DHRS12: variants seen among roughly 807,000 people sequenced by gnomAD.
DHRS12 encodes the protein dehydrogenase/reductase SDR family member 12.
In DHRS12, 29 loss-of-function variants were observed where a neutral mutation model predicts 32.1. That is an observed-to-expected ratio of 0.90 (90% CI 0.67 to 1.23). The LOEUF (loss-of-function observed/expected upper bound fraction) is 1.23, where lower values mean the gene tolerates loss of function less well. Ranked by LOEUF, DHRS12 falls within the 50% of genes most tolerant of loss-of-function variation. DHRS12 has a pLI of 0.00. For missense variants in DHRS12, 330 were observed against 337.2 expected, an observed-to-expected ratio of 0.98 and a Z score of 0.17; for synonymous variants, 150 against 135.9, an observed-to-expected ratio of 1.10 and a Z score of -0.72.
At chr13:51,773,574 C>T (rs1390141230) in intron 6 of DHRS12, among the ~76,000 whole-genome samples, 3 of 152,146 alleles carry the variant, frequency 2.0e-5, no homozygotes, top group Admixed American at 6.5e-5. Context: ...AGTGAGCCTC[C>T]GGGAAGCCAA....
chr13:51,784,085 G>A (rs577849121), intron 4 of DHRS12, among the ~76,000 whole-genome samples: 50 of 152,344 alleles, frequency 3.3e-4, no homozygotes, highest in African/African-American at 1.2e-3. Context: ...GGCGTGGGGA[G>A]GTTGAGGACA....
intron 4 of DHRS12, among the ~76,000 whole-genome samples, chr13:51,786,880 A>G (rs1279390772): frequency 2.0e-5 from 3 of 152,302 alleles, no homozygotes; most frequent in East Asian, 3.9e-4. Flanking sequence ...CCTATCCCAC[A>G]TTACATAATC....
downstream of DHRS12, chr13:51,765,657 T>A (rs1454948125): frequency 4.6e-5 from 7 of 152,240 alleles, no homozygotes; most frequent in African/African-American, 1.4e-4. Flanking sequence ...GGAGAGCCTA[T>A]CACCACATGC....
intron 4 of DHRS12, among the ~76,000 whole-genome samples, chr13:51,780,301 A>G (rs1480620126): frequency 2.0e-5 from 3 of 152,166 alleles, no homozygotes; most frequent in Non-Finnish European, 4.4e-5. Context: ...CAGGTCAACA[A>G]CTTCCTTTCC....
At chr13:51,788,515 C>T (rs926290066) in intron 4 of DHRS12, among the ~76,000 whole-genome samples, 5 of 151,956 alleles carry the variant, frequency 3.3e-5, no homozygotes, top group Admixed American at 1.3e-4. Flanking sequence ...TCCCTTGGAC[C>T]TTCTTCCATC....
At chr13:51,761,989 C>T in the DHRS12 span, 8 of 152,194 alleles carry the variant, frequency 5.3e-5, no homozygotes, top group Non-Finnish European at 8.8e-5. Context: ...CATGATTGCT[C>T]TTTGAGAGAA....
chr13:51,774,202 T>G (rs1289070898), intron 5 of DHRS12, 168 bp from the exon 6 acceptor site: 3 of 602,342 alleles, frequency 5.0e-6, no homozygotes, highest in Non-Finnish European at 8.9e-6. Flanking sequence ...ACATGTATTC[T>G]CCTACATGTA....
chr13:51,786,183 G>C (rs1954946245), intron 4 of DHRS12, among the ~76,000 whole-genome samples: 1 of 152,250 alleles, frequency 6.6e-6, no homozygotes, highest in Non-Finnish European at 1.5e-5. Flanking sequence ...TCCTGCCAAA[G>C]AGCTAAGGCA....
intron 6 of DHRS12, chr13:51,772,859 T>C (rs1954095031): frequency 2.0e-6 from 2 of 985,430 alleles, no homozygotes; most frequent in Non-Finnish European, 1.2e-6. Context: ...AGTCATGAGA[T>C]GTAATTCACC....
intron 2 of DHRS12, among the ~76,000 whole-genome samples, chr13:51,799,131 TC>T (rs1199584874): frequency 1.3e-5 from 2 of 152,106 alleles, no homozygotes; most frequent in Non-Finnish European, 2.9e-5. Context: ...ACTTTGAGGC[TC>T]CCCCTCCCCT....
chr13:51,774,501 TCTC>T (rs201967376), intron 5 of DHRS12: 1 of 55,212 alleles, frequency 1.8e-5, no homozygotes, highest in Non-Finnish European at 3.2e-5. Flanking sequence ...CTACATGTAT[TCTC>T]CTACAGTATT....
At chr13:51,756,697 G>C in the DHRS12 span, 2 of 965,420 alleles carry the variant, frequency 2.1e-6, no homozygotes, top group African/African-American at 3.5e-5. Flanking sequence ...CTAATTTCTA[G>C]GTTATGTGCC....
intron 4 of DHRS12, among the ~76,000 whole-genome samples, chr13:51,783,794 C>G (rs1593536030): frequency 6.6e-6 from 1 of 152,188 alleles, no homozygotes; most frequent in East Asian, 1.9e-4. Flanking sequence ...GCTGGTGCAT[C>G]TAAGAGTCAC....
chr13:51,803,316 C>T (rs559443696), intron 1 of DHRS12, among the ~76,000 whole-genome samples: 1 of 152,334 alleles, frequency 6.6e-6, no homozygotes, highest in South Asian at 2.1e-4. Flanking sequence ...TCCACTAAAT[C>T]AGAATCTGTA....
the DHRS12 span, chr13:51,761,724 A>G: frequency 0.14 from 20,865 of 152,168 alleles, 1,984 homozygotes; most frequent in African/African-American, 0.24. Flanking sequence ...TTTCCCTGGG[A>G]TGGGGCCTTG....
At position 51,769,040 on chromosome 13, in the gene DHRS12, C is replaced by T. The variant is rs980573355; in HGVS notation, c.697+116G>A. 34 of 1,467,912 alleles carry T rather than the reference C, an allele frequency of 2.3e-5. 1 individual carries two copies. In the Middle Eastern group the frequency reaches 7.5e-4, roughly 32 times the overall value. 90.9% of individuals were successfully genotyped at this position (1,467,912 alleles called of 1,614,324 possible). ...AATCATCTCGCCAAAGAAGCCCAGG[C>T]ACCCCCCAGGGGACAGTCCCACCCC... On this transcript the variant is annotated intron_variant, in intron 8 of 8. Transcript: ENST00000444610.
intron 2 of DHRS12, chr13:51,798,028 G>A (rs1955586891): frequency 9.8e-7 from 1 of 1,022,880 alleles, no homozygotes; most frequent in Admixed American, 2.2e-5. Context: ...AAGCCTAGAT[G>A]GGTGGTTCCC....
rs1954751379 is a variant in DHRS12 at position 51,782,310 on chromosome 13, A to G, written c.302-5189T>C. On this transcript the variant is annotated intron_variant, in intron 4 of 8. Transcript: ENST00000444610. The surrounding 1 kb of genome is among the most constrained non-coding windows in gnomAD (Gnocchi z 4.2). Reference sequence around the variant, plus strand: ...AGAGTGTGGGAGGAGAAAGGAGGGCACAGGATTGGTCTGGGAGGGATGCCA... The same window carrying G: ...AGAGTGTGGGAGGAGAAAGGAGGGCGCAGGATTGGTCTGGGAGGGATGCCA... Among the ~76,000 whole-genome samples the G allele has an allele frequency of 6.6e-6, 1 of 152,128 alleles. No individual in the cohort carries two copies. Among genetic ancestry groups the G allele is most frequent in the East Asian group, 1.9e-4 (1 of 5,184 alleles).
At chr13:51,756,486 C>T in the DHRS12 span, 13 of 1,607,156 alleles carry the variant, frequency 8.1e-6, no homozygotes, top group Admixed American at 1.7e-5. Flanking sequence ...GCCTGCAGAC[C>T]GCTTCAGGTT....
Sources: allele counts gnomAD v4.1 joint callset (sites outside exome capture counted in the v4.1 genomes callset), GRCh38; gene constraint gnomAD v4.1.1; non-coding constraint Gnocchi (gnomAD v3.1); transcripts MANE v1.5; gene names NCBI Gene and HGNC (gene_info 2026-07-23, HGNC 2026-07-21).